The following KDSR variants were observed in gnomAD, a reference collection of about 807,000 sequenced individuals.
KDSR encodes 3-ketodihydrosphingosine reductase, also known as 3-dehydrosphinganine reductase.
Under a neutral mutation model 41.3 loss-of-function variants are expected in KDSR, and 23 were observed. The ratio of observed to expected loss-of-function variants is 0.56; its 90% CI spans 0.40 to 0.79. KDSR has a LOEUF of 0.79. Ranked by LOEUF, KDSR falls within the 30% of genes least tolerant of loss-of-function variation. The pLI, the probability that KDSR is intolerant of heterozygous loss-of-function variation, is 0.00. For synonymous variants in KDSR, 138 were observed against 151.7 expected, an observed-to-expected ratio of 0.91 and a Z score of 0.66; for missense variants, 351 against 416.8, an observed-to-expected ratio of 0.84 and a Z score of 1.37.
chr18:63,356,074 C>A (rs1192128846), intron 3 of KDSR, among the ~76,000 whole-genome samples: 1 of 152,196 alleles, frequency 6.6e-6, no homozygotes, highest in Non-Finnish European at 1.5e-5. Flanking sequence ...TTTATCCCAA[C>A]ATCCTCAGAT....
Position 63,331,774 on chromosome 18 carries a change from TAAG to T in KDSR, c.*5_*7del, listed in dbSNP as rs764565153. ...TTGGAAACAGTCTTCTTCCAAGGGG[TAAG>T]AAGATTAGGCAGTTTTGTCTGCATT... On this transcript the variant is annotated 3_prime_UTR_variant, in exon 10 of 10. Transcript: ENST00000645214. 3 of 1,612,102 alleles carry T rather than the reference TAAG, an allele frequency of 1.9e-6. No individual in the cohort carries two copies. Among genetic ancestry groups the T allele is most frequent in the South Asian group, 1.1e-5 (1 of 90,636 alleles).
At chr18:63,356,534 T>TCA (rs752241250) in intron 3 of KDSR, among the ~76,000 whole-genome samples, 13 of 151,816 alleles carry the variant, frequency 8.6e-5, no homozygotes, top group Admixed American at 3.3e-4. Flanking sequence ...TGTTAACAAG[T>TCA]CACACACACA....
chr18:63,334,216 C>T (rs1914092113), intron 9 of KDSR, among the ~76,000 whole-genome samples: 1 of 152,204 alleles, frequency 6.6e-6, no homozygotes, highest in South Asian at 2.1e-4. Context: ...AGAAAACCAA[C>T]AACTAAGTCA....
Position 63,367,106 on chromosome 18 carries a change from C to A in KDSR, c.13G>T (p.Ala5Ser). 7.5e-7 allele frequency: 1 copy of A among 1,332,142 alleles called. No homozygotes were observed. The highest frequency in any genetic ancestry group is 9.6e-7 in the Non-Finnish European group (1 of 1,037,332). 82.5% of individuals were successfully genotyped at this position (1,332,142 alleles called of 1,614,324 possible). A position where few individuals can be genotyped will look rare whatever the true frequency, so the allele number is the denominator to read the frequency against. Residue 5 changes from alanine (A) to serine (S), a missense_variant, in exon 1 of 10, where the codon GCT becomes TCT. Ala to Ser is a moderately conservative substitution (Grantham distance 99). Coordinates refer to ENST00000645214, the MANE Select transcript of KDSR (RefSeq NM_002035.4). Reference protein sequence around the residue: MLLLAAAFLVAFVLL... With the variant: MLLLSAAFLVAFVLL... The stretch of plus-strand genomic sequence containing the variant: ...ACGAAGGCCACGAGGAAGGCGGCAG[C>A]CAGCAGCAGCATCGCTCCGCGGGGC...
At chr18:63,340,502 GC>G (rs1435363791) in intron 7 of KDSR, among the ~76,000 whole-genome samples, 3 of 152,142 alleles carry the variant, frequency 2.0e-5, no homozygotes, top group African/African-American at 7.2e-5. Flanking sequence ...ACTAAAATTG[GC>G]CACAGTTCAA....
rs1915156415 is a variant in KDSR at position 63,366,931 on chromosome 18, G to A, written c.108+80C>T. On this transcript the variant is annotated intron_variant, in intron 1 of 9. Coordinates refer to ENST00000645214, the MANE Select transcript of KDSR (RefSeq NM_002035.4). Reference sequence around the variant, plus strand: ...CCTGGGGACCGCGGCCTGGAAAAAGGGACGTAGGCTACGCGGCCTCGGCGG... The same window carrying A: ...CCTGGGGACCGCGGCCTGGAAAAAGAGACGTAGGCTACGCGGCCTCGGCGG... The A allele has an allele frequency of 4.3e-6, 3 of 695,672 alleles. No individual in the cohort carries two copies. The East Asian group carries it at 9.5e-5, about 22-fold the overall frequency. 43.1% of individuals were successfully genotyped at this position (695,672 alleles called of 1,614,324 possible). A position where few individuals can be genotyped will look rare whatever the true frequency, so the allele number is the denominator to read the frequency against.
At chr18:63,340,098 A>G (rs1166893737) in intron 7 of KDSR, among the ~76,000 whole-genome samples, 2 of 152,212 alleles carry the variant, frequency 1.3e-5, no homozygotes, top group African/African-American at 4.8e-5. Flanking sequence ...GGGCCCACAC[A>G]TCAATGTAGA....
intron 3 of KDSR, among the ~76,000 whole-genome samples, chr18:63,357,584 A>ATG (rs1310244480): frequency 5.2e-4 from 31 of 59,644 alleles, no homozygotes; most frequent in African/African-American, 2.3e-3. Context: ...ATATATATAT[A>ATG]TATATATATA....
In KDSR at chr18:63,355,243, C is replaced by T. The variant is rs540005100; in HGVS notation, c.378G>A (p.Val126=). The change falls in exon 5 of 10, where the codon GTG becomes GTA. Residue 126 remains valine, a synonymous_variant. Transcript: ENST00000645214. ...DMLVNCAGMA[V]SGKFEDLEVS... ...CTTCAAGATCTTCAAATTTTCCTGA[C>T]ACTGCCATTCCTGCACAATTTACCA... The T allele has an allele frequency of 5.6e-6, 9 of 1,614,140 alleles. No individual in the cohort carries two copies. The Admixed American group carries it at 6.7e-5, about 12-fold the overall frequency.
At chr18:63,341,258 G>C (rs907474287) in intron 7 of KDSR, among the ~76,000 whole-genome samples, 1 of 151,930 alleles carries the variant, frequency 6.6e-6, no homozygotes, top group Non-Finnish European at 1.5e-5. Flanking sequence ...AAAAAACAAG[G>C]CTAAACATCC....
At chr18:63,351,796 T>G (rs566251395) in intron 5 of KDSR, among the ~76,000 whole-genome samples, 2 of 152,334 alleles carry the variant, frequency 1.3e-5, no homozygotes, top group African/African-American at 4.8e-5. Flanking sequence ...ATTATCATTT[T>G]TTTTAGAGAC....
Position 63,335,261 on chromosome 18 carries a change from T to TG in KDSR, c.874dup (p.Gln292ProfsTer21). The TG allele has an allele frequency of 1.9e-6, 3 of 1,609,514 alleles. No individual in the cohort carries two copies. The highest frequency in any genetic ancestry group is 1.7e-5 in the Admixed American group (1 of 60,002). On this transcript the variant is annotated frameshift_variant, in exon 9 of 10. Coordinates refer to ENST00000645214, the MANE Select transcript of KDSR (RefSeq NM_002035.4). LOFTEE classifies it high-confidence loss of function. Reference sequence around the variant, plus strand: ...GCTAGCCTAGGCAGAGCTTACCTGCTGGAGCCCCTCAGTAATAGAAGTTAC... The same window carrying TG: ...GCTAGCCTAGGCAGAGCTTACCTGCTGGGAGCCCCTCAGTAATAGAAGTTAC...
intron 8 of KDSR, among the ~76,000 whole-genome samples, chr18:63,337,899 G>T (rs1914226663): frequency 6.6e-6 from 1 of 152,188 alleles, no homozygotes; most frequent in Admixed American, 6.5e-5. Context: ...CTGCACTCCA[G>T]CCTGGGCAAC....
intron 5 of KDSR, among the ~76,000 whole-genome samples, chr18:63,353,163 A>G (rs113939292): frequency 5.5e-4 from 84 of 152,168 alleles, no homozygotes; most frequent in African/African-American, 2.0e-3. Context: ...CCTGGGTGAC[A>G]GAGTAAGACT....
chr18:63,343,580 G>C (rs1273892395), intron 7 of KDSR, among the ~76,000 whole-genome samples: 1 of 151,232 alleles, frequency 6.6e-6, no homozygotes, highest in East Asian at 2.0e-4. Flanking sequence ...GTAGAGACAG[G>C]GTTTTGTTAT....
chr18:63,339,742 CT>C (rs1914289468), intron 7 of KDSR, among the ~76,000 whole-genome samples: 1 of 152,126 alleles, frequency 6.6e-6, no homozygotes, highest in Admixed American at 6.5e-5. Context: ...TTATCTTTGG[CT>C]TTTCTTTGCG....
At chr18:63,365,140 A>G (rs112050771) in intron 1 of KDSR, among the ~76,000 whole-genome samples, 3 of 152,378 alleles carry the variant, frequency 2.0e-5, no homozygotes, top group Non-Finnish European at 4.4e-5. Flanking sequence ...CTGTAAAAAT[A>G]TAGCTGTTGT....
Position 63,362,867 on chromosome 18 carries a change from ACCTAAAACAAAAT to A in KDSR, c.109-12_109del, listed in dbSNP as rs1462497633. ...CCCGATGCCACTGGAACCTCCTGTA[ACCTAAAACAAAAT>A]CATAAAATATTCTTAGCACTTGAAA... On this transcript the variant is annotated splice_acceptor_variant and splice_polypyrimidine_tract_variant and coding_sequence_variant and intron_variant, in exon 2 of 10. Coordinates refer to ENST00000645214, the MANE Select transcript of KDSR (RefSeq NM_002035.4). LOFTEE classifies it high-confidence loss of function. 1 of 1,607,186 alleles carries A rather than the reference ACCTAAAACAAAAT, an allele frequency of 6.2e-7. No individual in the cohort carries two copies. The highest frequency in any genetic ancestry group is 1.3e-5 in the African/African-American group (1 of 74,752).
At position 63,328,596 on chromosome 18, in the gene KDSR, G is replaced by A. The variant is rs1176409894; in HGVS notation, c.*3186C>T. 1.3e-5 allele frequency: 2 copies of A among 159,024 alleles called. No individual in the cohort carries two copies. The highest frequency in any genetic ancestry group is 6.5e-5 in the Admixed American group (1 of 15,438). The allele number at this position is 159,024 out of a possible 1,614,324, so 9.9% of individuals were successfully genotyped here. On this transcript the variant is annotated 3_prime_UTR_variant, in exon 10 of 10. Transcript: ENST00000645214. ...AGGCTGGTCTCGAACTCCTGACCTCGTGATTCGCCTGTCTCAGCCTCCCAA... is the reference window on the plus strand; with the variant it reads ...AGGCTGGTCTCGAACTCCTGACCTCATGATTCGCCTGTCTCAGCCTCCCAA...
Sources: allele counts gnomAD v4.1 joint callset (sites outside exome capture counted in the v4.1 genomes callset), GRCh38; gene constraint gnomAD v4.1.1; transcripts MANE v1.5; gene names NCBI Gene and HGNC (gene_info 2026-07-23, HGNC 2026-07-21).